DNMBP: variants seen among roughly 807,000 people sequenced by gnomAD.
DNMBP encodes dynamin-binding protein.
A neutral mutation model predicts 150.0 loss-of-function variants in DNMBP; 87 were observed. That is an observed-to-expected ratio of 0.58 (90% CI 0.49 to 0.69). DNMBP has a LOEUF of 0.69. Ranked by LOEUF, DNMBP falls within the 30% of genes least tolerant of loss-of-function variation. The pLI is 0.00. For missense variants in DNMBP, 1,774 were observed against 1,949.0 expected (o/e 0.91, Z 1.69); for synonymous variants, 711 against 750.4 (o/e 0.95, Z 0.86).
intron 1 of DNMBP, among the ~76,000 whole-genome samples, chr10:99,997,161 C>T (rs2040959410): frequency 6.6e-6 from 1 of 152,228 alleles, no homozygotes; most frequent in Non-Finnish European, 1.5e-5. Flanking sequence ...CAGATCTAAA[C>T]TGTAAGACAA....
intron 4 of DNMBP, among the ~76,000 whole-genome samples, chr10:99,909,824 GT>G (rs2039878520): frequency 6.6e-6 from 1 of 152,096 alleles, no homozygotes; most frequent in African/African-American, 2.4e-5. Context: ...CTTATCAATG[GT>G]ATTTTCAAGT....
Position 99,936,669 on chromosome 10 carries a change from C to T in DNMBP, c.2260+18545G>A, listed in dbSNP as rs990085251. Reference sequence around the variant, plus strand: ...TCCTCAAATACTTGATGTGCTATTACGTGCCTTTTGGATTCTTTACTGACT... The same window carrying T: ...TCCTCAAATACTTGATGTGCTATTATGTGCCTTTTGGATTCTTTACTGACT... On this transcript the variant is annotated intron_variant, in intron 4 of 16. Transcript: ENST00000324109. Among the ~76,000 whole-genome samples the T allele has an allele frequency of 9.2e-5, 14 of 152,150 alleles. No individual in the cohort carries two copies. In the East Asian group the frequency reaches 1.7e-3, roughly 19 times the overall value.
chr10:99,888,745 C>A (rs1435412064), intron 12 of DNMBP, 80 bp downstream of exon 12: 12 of 1,556,164 alleles, frequency 7.7e-6, no homozygotes, highest in Non-Finnish European at 9.7e-6. Context: ...GGCCTGTGTC[C>A]GTGGAACTGA....
chr10:99,901,040 A>G (rs1285714190), intron 6 of DNMBP, among the ~76,000 whole-genome samples: 1 of 152,034 alleles, frequency 6.6e-6, no homozygotes, highest in Admixed American at 6.6e-5. Flanking sequence ...GGCTCAAGTG[A>G]TCCTCCCACC....
intron 1 of DNMBP, among the ~76,000 whole-genome samples, chr10:100,008,194 T>A (rs1427338832): frequency 6.6e-6 from 1 of 152,174 alleles, no homozygotes; most frequent in East Asian, 1.9e-4. Flanking sequence ...AAGAGATTGA[T>A]GGAACGTTGA....
intron 4 of DNMBP, among the ~76,000 whole-genome samples, chr10:99,918,060 A>G (rs755198555): frequency 1.1e-4 from 17 of 152,002 alleles, no homozygotes; most frequent in Non-Finnish European, 1.9e-4. Flanking sequence ...CCTGCCTAGC[A>G]ACGCATCTAG....
chr10:99,980,608 C>T (rs1200430524), intron 1 of DNMBP, among the ~76,000 whole-genome samples: 7 of 151,028 alleles, frequency 4.6e-5, no homozygotes, highest in Admixed American at 4.6e-4. Context: ...AGAAGGGCAA[C>T]ATAGTGAGAA....
chr10:99,895,706 A>G (rs1332247544), intron 10 of DNMBP, among the ~76,000 whole-genome samples: 1 of 152,068 alleles, frequency 6.6e-6, no homozygotes, highest in African/African-American at 2.4e-5. Flanking sequence ...CCCCCTTCCT[A>G]TAAGGCTCAG....
chr10:99,900,093 G>A (rs1259666472), intron 6 of DNMBP, 27 bp from the exon 7 acceptor site: 1 of 1,612,628 alleles, frequency 6.2e-7, no homozygotes, highest in East Asian at 2.2e-5. Flanking sequence ...AACATACAGT[G>A]TTTTTAGTAA....
intron 4 of DNMBP, among the ~76,000 whole-genome samples, chr10:99,945,758 C>T (rs1161587868): frequency 6.6e-6 from 1 of 151,988 alleles, no homozygotes; most frequent in East Asian, 1.9e-4. Context: ...AGAAGAAATA[C>T]AAAAGAGATG....
At chr10:99,922,421 T>C (rs1589419665) in intron 4 of DNMBP, among the ~76,000 whole-genome samples, 3 of 151,764 alleles carry the variant, frequency 2.0e-5, no homozygotes, top group African/African-American at 7.3e-5. Context: ...CAGACCAACA[T>C]TCCTTCATTG....
intron 4 of DNMBP, among the ~76,000 whole-genome samples, chr10:99,951,310 G>A (rs1481534502): frequency 2.6e-5 from 4 of 152,228 alleles, no homozygotes; most frequent in Non-Finnish European, 5.9e-5. Context: ...CTCTGCTGGG[G>A]CAGTGCAGAA....
intron 4 of DNMBP, 126 bp from the exon 5 acceptor site, chr10:99,909,272 C>G: frequency 1.4e-6 from 1 of 710,812 alleles, no homozygotes; most frequent in South Asian, 1.9e-5. Context: ...CTCAGGAAAT[C>G]AGATCGCACA....
chr10:99,962,799 C>A (rs1265370794), intron 3 of DNMBP, among the ~76,000 whole-genome samples: 1 of 152,206 alleles, frequency 6.6e-6, no homozygotes, highest in East Asian at 1.9e-4. Context: ...ACTCTGCTGG[C>A]TTTGAAATCA....
intron 7 of DNMBP, among the ~76,000 whole-genome samples, chr10:99,899,101 G>C (rs2039701609): frequency 6.6e-6 from 1 of 152,032 alleles, no homozygotes; most frequent in Non-Finnish European, 1.5e-5. Context: ...CTGAGGCAGG[G>C]GATCGCTTGA....
chr10:99,930,351 C>T, intron 4 of DNMBP: 1 of 702,990 alleles, frequency 1.4e-6, no homozygotes, highest in Non-Finnish European at 2.6e-6. Context: ...GTCTGAGTAG[C>T]CATTTGCCTC....
At position 99,955,639 on chromosome 10, in the gene DNMBP, G is replaced by A. The variant is rs114826401; in HGVS notation, c.1835C>T (p.Pro612Leu). ...GGATACCGGAGTACAGGGACGAGGTGGCGGTGGCCTTAGGGCCTTTCTCCT... is the reference window on the plus strand; with the variant it reads ...GGATACCGGAGTACAGGGACGAGGTAGCGGTGGCCTTAGGGCCTTTCTCCT... ...PERRKALRPP[P>L]PRPCTPVSTS... Residue 612 changes from proline to leucine, a missense_variant, in exon 4 of 17, where the codon CCA becomes CTA. By Grantham distance (98) the Pro-to-Leu change is moderately conservative. Around this residue, in one of 2 missense-constraint regions of DNMBP, gnomAD observed 1,430 missense variants for 1,492.5 expected, o/e 0.96. Transcript: ENST00000324109. The A allele has an allele frequency of 1.7e-4, 270 of 1,614,232 alleles. 1 individual carries two copies. The African/African-American group carries it at 2.9e-3, about 17-fold the overall frequency.
chr10:99,998,502 C>G (rs1422514775), intron 1 of DNMBP, among the ~76,000 whole-genome samples: 1 of 150,790 alleles, frequency 6.6e-6, no homozygotes, highest in Non-Finnish European at 1.5e-5. Context: ...ATCGCTAGAG[C>G]CCAGGAGGCA....
At chr10:99,968,744 G>A (rs112069967) in intron 3 of DNMBP, among the ~76,000 whole-genome samples, 2 of 151,620 alleles carry the variant, frequency 1.3e-5, no homozygotes, top group African/African-American at 4.8e-5. Context: ...GCTATAGCAT[G>A]GGGGCATTGG....
Sources: allele counts gnomAD v4.1 joint callset (sites outside exome capture counted in the v4.1 genomes callset), GRCh38; gene constraint gnomAD v4.1.1; regional missense constraint gnomAD v4.1.1; transcripts MANE v1.5; gene names NCBI Gene and HGNC (gene_info 2026-07-23, HGNC 2026-07-21).